Variants in ASIC2 observed in about 807,000 individuals in gnomAD.
The protein encoded by ASIC2 is acid sensing ion channel subunit 2.
In ASIC2, 25 loss-of-function variants were observed where a neutral mutation model predicts 57.3. That is an observed-to-expected ratio of 0.44 (90% CI 0.32 to 0.61). The LOEUF is 0.61. Ranked by LOEUF, ASIC2 falls within the 20% of genes least tolerant of loss-of-function variation. The pLI is 0.06. For synonymous variants in ASIC2, 319 were observed against 307.5 expected (o/e 1.04, Z -0.39); for missense variants, 641 against 738.1 (o/e 0.87, Z 1.52).
chr17:33,548,523 C>T (rs988368311), intron 1 of ASIC2, among the ~76,000 whole-genome samples: 3 of 152,164 alleles, frequency 2.0e-5, no homozygotes, highest in Non-Finnish European at 4.4e-5. Context: ...GGTATTATTG[C>T]ACACTGGCCA....
At chr17:33,185,740 C>A (rs1906166753) in intron 1 of ASIC2, among the ~76,000 whole-genome samples, 1 of 152,202 alleles carries the variant, frequency 6.6e-6, no homozygotes, top group Non-Finnish European at 1.5e-5. Context: ...GAGGAAACCA[C>A]TAAGGCCGAG....
chr17:33,765,182 T>A (rs563861953), intron 1 of ASIC2, among the ~76,000 whole-genome samples: 60 of 152,156 alleles, frequency 3.9e-4, no homozygotes, highest in Non-Finnish European at 5.1e-4. Flanking sequence ...CTTGGCTCAC[T>A]GCAAGCTCCG....
At chr17:33,791,189 T>C (rs1371106754) in intron 1 of ASIC2, among the ~76,000 whole-genome samples, 1 of 152,174 alleles carries the variant, frequency 6.6e-6, no homozygotes, top group East Asian at 1.9e-4. Context: ...GTCAAAGTCA[T>C]AGTCACTCTG....
rs539583512 is a variant in ASIC2, at chr17:33,634,014, A to G, written c.556-521947T>C. Among the ~76,000 whole-genome samples, 178 of 152,170 alleles carry G rather than the reference A, an allele frequency of 1.2e-3. 1 individual carries two copies. Among genetic ancestry groups the G allele is most frequent in the African/African-American group, 4.2e-3 (175 of 41,512 alleles). ...TTGCCCTCAGGTTCTCTGGGCTCCT[A>G]CTAGTATTCCCCAAACCTGGTGGGT... On this transcript the variant is annotated intron_variant, in intron 1 of 9. Coordinates refer to the ASIC2 transcript ENST00000359872.
intron 1 of ASIC2, among the ~76,000 whole-genome samples, chr17:33,574,555 A>C: frequency 6.6e-6 from 1 of 152,266 alleles, no homozygotes; most frequent in East Asian, 1.9e-4. Context: ...GACAGTAGCA[A>C]ATTCTCTCCC....
intron 1 of ASIC2, among the ~76,000 whole-genome samples, chr17:33,241,799 G>T (rs571541398): frequency 2.0e-5 from 3 of 152,170 alleles, no homozygotes; most frequent in Non-Finnish European, 2.9e-5. Flanking sequence ...GTCCTCCTGG[G>T]CTTCACAACC....
intron 1 of ASIC2, among the ~76,000 whole-genome samples, chr17:33,839,143 C>T (rs1913353962): frequency 6.6e-6 from 1 of 152,180 alleles, no homozygotes; most frequent in Admixed American, 6.5e-5. Context: ...ATAGGTGCCT[C>T]CAGGATTTAG....
chr17:33,746,289 C>A (rs536715235), intron 1 of ASIC2, among the ~76,000 whole-genome samples: 1 of 149,428 alleles, frequency 6.7e-6, no homozygotes, highest in African/African-American at 2.5e-5. Flanking sequence ...CATGTATATA[C>A]ATATACACGT....
chr17:34,091,567 C>T (rs73986855), intron 1 of ASIC2, among the ~76,000 whole-genome samples: 4,130 of 152,296 alleles, frequency 0.027, 185 homozygotes, highest in African/African-American at 0.092. Context: ...CAAAGTGCTC[C>T]GTGACAGGTC....
intron 1 of ASIC2, among the ~76,000 whole-genome samples, chr17:33,535,199 C>T (rs922369210): frequency 6.6e-6 from 1 of 151,746 alleles, no homozygotes; most frequent in Non-Finnish European, 1.5e-5. Flanking sequence ...CTGCATTTCT[C>T]AGGTTGCCTG....
chr17:33,853,702 A>G (rs1465624306), intron 1 of ASIC2, among the ~76,000 whole-genome samples: 1 of 152,230 alleles, frequency 6.6e-6, no homozygotes, highest in Non-Finnish European at 1.5e-5. Context: ...ATCTCTGGCT[A>G]AGTTCTCCAA....
chr17:33,660,143 C>G (rs1050743428), intron 1 of ASIC2, among the ~76,000 whole-genome samples: 26 of 151,790 alleles, frequency 1.7e-4, no homozygotes, highest in Admixed American at 1.0e-3. Context: ...GATTGGATCT[C>G]GCAGGACTAG....
intron 1 of ASIC2, among the ~76,000 whole-genome samples, chr17:33,259,294 G>A (rs1909195464): frequency 1.3e-5 from 2 of 152,134 alleles, no homozygotes; most frequent in Non-Finnish European, 1.5e-5. Flanking sequence ...GCATTATCTT[G>A]TACAGCAATA....
At chr17:33,955,193 T>G (rs1473100853) in intron 1 of ASIC2, 1 of 152,210 alleles carries the variant, frequency 6.6e-6, no homozygotes, top group African/African-American at 2.4e-5. Context: ...ATCCAAGGTC[T>G]TTCTAATACC....
intron 1 of ASIC2, among the ~76,000 whole-genome samples, chr17:33,256,761 G>A (rs1248933072): frequency 6.6e-6 from 1 of 152,200 alleles, no homozygotes; most frequent in East Asian, 1.9e-4. Flanking sequence ...GAACCTGGGA[G>A]GCAGAGGTTG....
chr17:33,783,645 T>C (rs750621094), intron 1 of ASIC2, among the ~76,000 whole-genome samples: 4 of 152,226 alleles, frequency 2.6e-5, no homozygotes, highest in Non-Finnish European at 4.4e-5. Context: ...GGCTCTCCTG[T>C]CATCTGTCTA....
intron 1 of ASIC2, among the ~76,000 whole-genome samples, chr17:34,088,308 C>G (rs1382918842): frequency 6.6e-6 from 1 of 152,206 alleles, no homozygotes; most frequent in African/African-American, 2.4e-5. Context: ...GAGGTCCACT[C>G]CAGACCCTGT....
At chr17:33,524,379 T>G (rs1445494199) in intron 1 of ASIC2, among the ~76,000 whole-genome samples, 2 of 152,328 alleles carry the variant, frequency 1.3e-5, no homozygotes, top group African/African-American at 4.8e-5. Flanking sequence ...CAAGATTGCA[T>G]AGCCAGCAAA....
intron 1 of ASIC2, among the ~76,000 whole-genome samples, chr17:33,409,538 G>GTC (rs1267281348): frequency 6.6e-6 from 1 of 152,220 alleles, no homozygotes; most frequent in African/African-American, 2.4e-5. Context: ...CATCAGCCTT[G>GTC]TCTCAGTCAT....
Sources: gnomAD v4.1 joint callset for allele counts (sites outside exome capture counted in the v4.1 genomes callset) on GRCh38, gnomAD v4.1.1 for gene constraint, MANE v1.5 for transcripts, NCBI Gene and HGNC (gene_info 2026-07-23, HGNC 2026-07-21) for gene names.